Variants in MTMR14 observed in about 807,000 individuals in gnomAD.
MTMR14 encodes the protein phosphatidylinositol-3,5-bisphosphate 3-phosphatase MTMR14.
Under a neutral mutation model 86.3 loss-of-function variants are expected in MTMR14, and 48 were observed. The observed-to-expected ratio is 0.56, with a 90% CI of 0.44 to 0.71. MTMR14 has a LOEUF of 0.71. MTMR14 is among the 30% of genes least tolerant of loss of function. The pLI is 0.00. For synonymous variants in MTMR14, 366 were observed against 326.1 expected, an observed-to-expected ratio of 1.12 and a Z score of -1.32; for missense variants, 780 against 834.6, an observed-to-expected ratio of 0.93 and a Z score of 0.81.
intron 6 of MTMR14, 59 bp downstream of exon 6, chr3:9,671,229 T>C: frequency 6.2e-7 from 1 of 1,612,206 alleles, no homozygotes; most frequent in Non-Finnish European, 8.5e-7. Flanking sequence ...TTTGCAGGGC[T>C]GGCGTTAGTA....
rs745368644 is a variant in MTMR14, at chr3:9,649,731, G to A, written c.148G>A (p.Gly50Ser). Reference protein sequence around the residue: ...QYRAKDGSGTGGSKVERIEKR... With the variant: ...QYRAKDGSGTSGSKVERIEKR... The stretch of plus-strand genomic sequence containing the variant: ...CCGGGCCAAGGATGGCAGCGGGACC[G>A]GCGGCTCTAAGGTGAGATTGGAGGT... Residue 50 changes from glycine to serine, a missense_variant, in exon 1 of 19, where the codon GGC becomes AGC. Physicochemically the swap from Gly to Ser is moderately conservative, Grantham distance 56. Transcript: ENST00000296003. 1 of 1,613,458 alleles carries A rather than the reference G, an allele frequency of 6.2e-7. No individual in the cohort carries two copies. The highest frequency in any genetic ancestry group is 8.5e-7 in the Non-Finnish European group (1 of 1,179,832).
chr3:9,672,652 G>A lies in MTMR14; in HGVS notation c.678-33G>A, dbSNP rs892668265. 1.3e-5 allele frequency: 20 copies of A among 1,562,356 alleles called. No homozygotes were observed. In the Admixed American group the frequency reaches 1.3e-4, roughly 10 times the overall value. On this transcript the variant is annotated intron_variant, in intron 6 of 18. Coordinates refer to ENST00000296003, the MANE Select transcript of MTMR14 (RefSeq NM_001077525.3). ...TGGTGTGTGTTTGTGTGTGTGTTGC[G>A]ACACTGTAACACATTGTATCCTTGT...
chr3:9,659,869 GGGTGTTTTGTTTGTTTGTTTTTAACA>G, intron 2 of MTMR14: 2 of 455,768 alleles, frequency 4.4e-6, no homozygotes, highest in Non-Finnish European at 8.8e-6. Context: ...CCTCCACCAG[GGGTGTTTTGTTTGTTTGTTTTTAACA>G]GAAGTTTAGC....
At chr3:9,654,342 A>T (rs2047475151) in intron 2 of MTMR14, among the ~76,000 whole-genome samples, 1 of 152,236 alleles carries the variant, frequency 6.6e-6, no homozygotes, top group Admixed American at 6.5e-5. Flanking sequence ...TCCAGATGAT[A>T]AATGGGGCTG....
chr3:9,650,162 A>C (rs1029320405), intron 1 of MTMR14, among the ~76,000 whole-genome samples: 1 of 152,196 alleles, frequency 6.6e-6, no homozygotes, highest in East Asian at 1.9e-4. Flanking sequence ...GAATGGAGCC[A>C]GGAGGTGAAC....
intron 10 of MTMR14, chr3:9,683,660 T>G (rs1261723153): frequency 1.5e-5 from 3 of 204,742 alleles, no homozygotes; most frequent in East Asian, 2.5e-4. Context: ...TTTGGCTGTT[T>G]TGATTGGATG....
chr3:9,682,259 G>A (rs2075793377), intron 9 of MTMR14, among the ~76,000 whole-genome samples: 2 of 152,204 alleles, frequency 1.3e-5, no homozygotes, highest in Admixed American at 6.5e-5. Flanking sequence ...AGGGGCGTGG[G>A]AGGGTCAGGT....
At chr3:9,652,971 T>A (rs1158017527) in intron 1 of MTMR14, among the ~76,000 whole-genome samples, 1 of 151,994 alleles carries the variant, frequency 6.6e-6, no homozygotes, top group East Asian at 1.9e-4. Flanking sequence ...GTGCCGTGGC[T>A]CACGCCTGTA....
chr3:9,653,791 T>C (rs773547864), intron 2 of MTMR14, 22 bp downstream of exon 2: 2 of 1,614,058 alleles, frequency 1.2e-6, no homozygotes, highest in Non-Finnish European at 8.5e-7. Context: ...GTGACCGTAG[T>C]GTACATGTCT....
At chr3:9,670,802 C>G (rs2048527259) in intron 5 of MTMR14, among the ~76,000 whole-genome samples, 1 of 152,210 alleles carries the variant, frequency 6.6e-6, no homozygotes, top group South Asian at 2.1e-4. Flanking sequence ...AAGTCCTTTT[C>G]CATTTCCACC....
At position 9,688,986 on chromosome 3, in the gene MTMR14, T is replaced by C; in HGVS notation, c.1337T>C (p.Phe446Ser). The C allele has an allele frequency of 6.2e-7, 1 of 1,613,976 alleles. No individual in the cohort carries two copies. The highest frequency in any genetic ancestry group is 1.1e-5 in the South Asian group (1 of 91,088). The change falls in exon 16 of 19, where the codon TTC (phenylalanine) becomes TCC (serine). Residue 446 changes from phenylalanine to serine, a missense_variant. Phe to Ser is a radical substitution (Grantham distance 155). Coordinates refer to ENST00000296003, the MANE Select transcript of MTMR14 (RefSeq NM_001077525.3). Reference sequence around the variant, plus strand: ...AGCACCACCAGCCTTGGCAGCGACTTCTCCCTGGTCATGGAGAGTTCCCCA... The same window carrying C: ...AGCACCACCAGCCTTGGCAGCGACTCCTCCCTGGTCATGGAGAGTTCCCCA... ...RGSTTSLGSD[F>S]SLVMESSPGA...
At chr3:9,653,893 T>G in intron 2 of MTMR14, 124 bp downstream of exon 2, 2 of 1,347,396 alleles carry the variant, frequency 1.5e-6, no homozygotes, top group Non-Finnish European at 2.1e-6. Flanking sequence ...CTTATTGGCA[T>G]TTTTATTTAC....
Position 9,702,094 on chromosome 3 carries a change from A to G in MTMR14, c.*121A>G. 2.3e-6 allele frequency: 3 copies of G among 1,279,560 alleles called. No individual in the cohort carries two copies. Among genetic ancestry groups the G allele is most frequent in the South Asian group, 2.5e-5 (2 of 81,458 alleles). The allele number at this position is 1,279,560 out of a possible 1,614,324, so 79.3% of individuals were successfully genotyped here. On this transcript the variant is annotated 3_prime_UTR_variant, in exon 19 of 19. Transcript: ENST00000296003. ...GGGGAAATTTCAGTCCCCCATCTCC[A>G]TCATGAACATGGCAGCCCCAAAGCT...
chr3:9,681,236 C>T lies in MTMR14; in HGVS notation c.898-1942C>T, dbSNP rs146770777. On this transcript the variant is annotated intron_variant, in intron 9 of 18. Transcript: ENST00000296003. ...TGGCAGGACACATGTGTCTTGCTGCCCTCCATGTAACCGAATTGAATTCCG... is the reference window on the plus strand; with the variant it reads ...TGGCAGGACACATGTGTCTTGCTGCTCTCCATGTAACCGAATTGAATTCCG... Among the ~76,000 whole-genome samples, 1,084 of 152,230 alleles carry T rather than the reference C, an allele frequency of 7.1e-3. 7 individuals are homozygous for T. The highest frequency in any genetic ancestry group is 0.021 in the Middle Eastern group (6 of 292).
chr3:9,686,759 C>T (rs1004330468), intron 13 of MTMR14, among the ~76,000 whole-genome samples: 1 of 152,170 alleles, frequency 6.6e-6, no homozygotes, highest in South Asian at 2.1e-4. Flanking sequence ...TGACAGGGCT[C>T]GTGGGATGCC....
intron 17 of MTMR14, among the ~76,000 whole-genome samples, chr3:9,697,282 C>T (rs188427139): frequency 6.6e-6 from 1 of 152,266 alleles, no homozygotes; most frequent in East Asian, 1.9e-4. Context: ...GTGTTGCCCA[C>T]CCTGCAAATC....
chr3:9,674,083 G>A (rs1420182581), intron 7 of MTMR14, among the ~76,000 whole-genome samples: 3 of 152,202 alleles, frequency 2.0e-5, no homozygotes, highest in African/African-American at 7.2e-5. Flanking sequence ...TTCAGACATA[G>A]TTTCCAGCTC....
At position 9,680,065 on chromosome 3, in the gene MTMR14, C is replaced by T. The variant is rs530397625; in HGVS notation, c.897+2007C>T. On this transcript the variant is annotated intron_variant, in intron 9 of 18. Coordinates refer to ENST00000296003, the MANE Select transcript of MTMR14 (RefSeq NM_001077525.3). ...CTCATCCATCGTCCACACCATGAGC[C>T]CACAGCCAGGCCTCTCTGATCCATA... Among the ~76,000 whole-genome samples the T allele has an allele frequency of 6.6e-5, 10 of 152,300 alleles. No individual in the cohort carries two copies. In the South Asian group the frequency reaches 1.7e-3, roughly 25 times the overall value.
chr3:9,697,736 T>A lies in MTMR14; in HGVS notation c.1639T>A (p.Ser547Thr). ...ATCAGTGGACCATCCCCTGCCCGGA[T>A]CCTCTCTCTCCACAGACTATGGCAG... ...PRSVDHPLPG[S>T]SLSTDYGSWQ... The change falls in exon 18 of 19, where the codon TCC becomes ACC. Residue 547 changes from serine (S) to threonine (T), a missense_variant. Physicochemically the swap from Ser to Thr is moderately conservative, Grantham distance 58 (BLOSUM62 1). Coordinates refer to ENST00000296003, the MANE Select transcript of MTMR14 (RefSeq NM_001077525.3). The A allele has an allele frequency of 3.1e-6, 5 of 1,614,078 alleles. No individual in the cohort carries two copies. The highest frequency in any genetic ancestry group is 4.2e-6 in the Non-Finnish European group (5 of 1,179,998).
Sources: gnomAD v4.1 joint callset for allele counts (sites outside exome capture counted in the v4.1 genomes callset) on GRCh38, gnomAD v4.1.1 for gene constraint, MANE v1.5 for transcripts, NCBI Gene and HGNC (gene_info 2026-07-23, HGNC 2026-07-21) for gene names.